Variants in RGS5 observed in about 807,000 individuals in gnomAD.
RGS5 encodes the protein regulator of G-protein signalling 5.
A neutral mutation model predicts 18.9 loss-of-function variants in RGS5; 20 were observed. The observed-to-expected ratio is 1.06, with a 90% CI of 0.74 to 1.54. RGS5 has a LOEUF of 1.54. Among genes scored for constraint, RGS5 ranks in the 40% most tolerant of loss-of-function variants. The pLI is 0.00. For missense variants in RGS5, 201 were observed against 211.8 expected (o/e 0.95, Z 0.32); for synonymous variants, 57 against 76.2 (o/e 0.75, Z 1.31).
chr1:163,264,091 AC>A (rs1354668535), intron 2 of RGS5, among the ~76,000 whole-genome samples: 9 of 151,970 alleles, frequency 5.9e-5, no homozygotes, highest in Non-Finnish European at 1.3e-4. Context: ...CAGGGAAAGC[AC>A]CCCTTACCTA....
chr1:163,273,933 A>G (rs12748519), intron 2 of RGS5, among the ~76,000 whole-genome samples: 22,095 of 152,134 alleles, frequency 0.15, 1,944 homozygotes, highest in Non-Finnish European at 0.19. Context: ...TTGTTTTTAT[A>G]GTTAAGCCTG....
At chr1:163,192,991 C>T (rs569346236) in intron 1 of RGS5, among the ~76,000 whole-genome samples, 1 of 152,324 alleles carries the variant, frequency 6.6e-6, no homozygotes, top group Non-Finnish European at 1.5e-5. Flanking sequence ...CATCAAGAAA[C>T]AGATGTTCGG....
Position 163,145,700 on chromosome 1 carries a change from T to C in RGS5, c.*1642A>G, listed in dbSNP as rs574514983. 1.1e-4 allele frequency: 17 copies of C among 152,304 alleles called. No homozygotes were observed. In the East Asian group the frequency reaches 3.1e-3, roughly 28 times the overall value. The allele number at this position is 152,304 out of a possible 1,614,324, so 9.4% of individuals were successfully genotyped here. Reference sequence around the variant, plus strand: ...TGTATTCAGCAGGGCATATTATTCTTGAAGTCACAAAAATAGGGAAAATCC... The same window carrying C: ...TGTATTCAGCAGGGCATATTATTCTCGAAGTCACAAAAATAGGGAAAATCC... On this transcript the variant is annotated 3_prime_UTR_variant, in exon 5 of 5. Transcript: ENST00000313961.
chr1:163,263,290 A>G (rs1648499540), intron 2 of RGS5, among the ~76,000 whole-genome samples: 1 of 152,122 alleles, frequency 6.6e-6, no homozygotes, highest in South Asian at 2.1e-4. Flanking sequence ...TCTTCCAAAT[A>G]TTCAGCCCTG....
At chr1:163,247,207 T>A (rs1647965155) in intron 2 of RGS5, among the ~76,000 whole-genome samples, 1 of 152,110 alleles carries the variant, frequency 6.6e-6, no homozygotes, top group Non-Finnish European at 1.5e-5. Context: ...ACGTAACAAA[T>A]CTGCACATGT....
intron 3 of RGS5, among the ~76,000 whole-genome samples, chr1:163,161,310 T>G (rs754715093): frequency 6.6e-6 from 1 of 152,122 alleles, no homozygotes; most frequent in Non-Finnish European, 1.5e-5. Context: ...GGATTTTGGA[T>G]TGGGGAAATG....
intron 2 of RGS5, among the ~76,000 whole-genome samples, chr1:163,224,430 A>AT (rs1301260001): frequency 2.0e-5 from 3 of 152,186 alleles, no homozygotes; most frequent in Admixed American, 2.0e-4. Context: ...TATATACCAC[A>AT]TTTTTTGTAT....
At chr1:163,163,133 T>C (rs1470202692) in intron 2 of RGS5, among the ~76,000 whole-genome samples, 9 of 152,078 alleles carry the variant, frequency 5.9e-5, no homozygotes, top group African/African-American at 2.2e-4. Context: ...AGGCGCAGAA[T>C]CAGCCTCACT....
At chr1:163,231,350 A>C (rs2101684669) in intron 2 of RGS5, among the ~76,000 whole-genome samples, 1 of 152,316 alleles carries the variant, frequency 6.6e-6, no homozygotes, top group South Asian at 2.1e-4. Context: ...AAACAGAGGC[A>C]TGGAAATGAC....
At chr1:163,278,238 T>C (rs1478323345) in intron 2 of RGS5, among the ~76,000 whole-genome samples, 2 of 151,972 alleles carry the variant, frequency 1.3e-5, no homozygotes, top group Admixed American at 6.6e-5. Flanking sequence ...AAGACAAAGA[T>C]AAAATTCTAA....
intron 2 of RGS5, among the ~76,000 whole-genome samples, chr1:163,276,153 C>T (rs1390568076): frequency 6.6e-6 from 1 of 152,166 alleles, no homozygotes; most frequent in African/African-American, 2.4e-5. Context: ...CACCACTATG[C>T]CCAGCTAATT....
chr1:163,170,031 A>G (rs547383488), intron 1 of RGS5, among the ~76,000 whole-genome samples: 7 of 152,312 alleles, frequency 4.6e-5, no homozygotes, highest in East Asian at 1.9e-4. Flanking sequence ...TTTAAAACTA[A>G]CCTTCTAATC....
At chr1:163,204,126 A>G (rs1461199127), upstream of RGS5, among the ~76,000 whole-genome samples, 11 of 152,276 alleles carry the variant, frequency 7.2e-5, no homozygotes, top group Non-Finnish European at 1.2e-4. Context: ...GTGCATTATG[A>G]CCTGATGTTT....
At chr1:163,176,448 C>A (rs1406006741) in intron 1 of RGS5, among the ~76,000 whole-genome samples, 1 of 152,034 alleles carries the variant, frequency 6.6e-6, no homozygotes. Context: ...ATGGTGAAAC[C>A]CCGTCTCTAC....
intron 2 of RGS5, among the ~76,000 whole-genome samples, chr1:163,234,080 A>T (rs989968593): frequency 1.3e-5 from 2 of 152,138 alleles, no homozygotes; most frequent in Non-Finnish European, 2.9e-5. Context: ...TTTGTTTCTG[A>T]TTCTTGACCT....
At chr1:163,217,429 A>G in intron 1 of RGS5, 1 of 1,288,570 alleles carries the variant, frequency 7.8e-7, no homozygotes, top group East Asian at 2.8e-5. Flanking sequence ...AAAATAGAGC[A>G]CTATTGGCAT....
chr1:163,189,351 C>G (rs938530034), intron 1 of RGS5, among the ~76,000 whole-genome samples: 1 of 152,162 alleles, frequency 6.6e-6, no homozygotes, highest in South Asian at 2.1e-4. Context: ...AGTCAAGGAA[C>G]TCTTCCCAAC....
At chr1:163,299,563 T>C (rs1208551769) in intron 2 of RGS5, among the ~76,000 whole-genome samples, 1 of 152,210 alleles carries the variant, frequency 6.6e-6, no homozygotes, top group East Asian at 1.9e-4. Flanking sequence ...GGGTTATTAT[T>C]GTAATAAACA....
intron 2 of RGS5, among the ~76,000 whole-genome samples, chr1:163,295,788 T>A (rs1395051652): frequency 6.6e-6 from 1 of 152,352 alleles, no homozygotes; most frequent in East Asian, 1.9e-4. Flanking sequence ...TGACATCAGA[T>A]TGATATTGTG....
Sources: gnomAD v4.1 joint callset for allele counts (sites outside exome capture counted in the v4.1 genomes callset) on GRCh38, gnomAD v4.1.1 for gene constraint, MANE v1.5 for transcripts, NCBI Gene and HGNC (gene_info 2026-07-23, HGNC 2026-07-21) for gene names.